The following NRXN3 variants were observed in gnomAD, a reference collection of about 807,000 sequenced individuals.
NRXN3 encodes neurexin III.
A neutral mutation model predicts 137.6 loss-of-function variants in NRXN3; 32 were observed. The ratio of observed to expected loss-of-function variants is 0.23; its 90% CI spans 0.18 to 0.31. The LOEUF is 0.31. Among genes scored for constraint, NRXN3 ranks in the 10% least tolerant of loss-of-function variants. The pLI, the probability that NRXN3 is intolerant of heterozygous loss-of-function variation, is 1.00. For missense variants in NRXN3, 1,574 were observed against 2,062.5 expected (o/e 0.76, Z 4.59); for synonymous variants, 798 against 784.5 (o/e 1.02, Z -0.29).
At chr14:79,570,047 T>C (rs2097585050) in intron 16 of NRXN3, among the ~76,000 whole-genome samples, 1 of 152,208 alleles carries the variant, frequency 6.6e-6, no homozygotes, top group Admixed American at 6.5e-5. Flanking sequence ...TTGCTGGTTA[T>C]AGTCCTCCAC....
intron 15 of NRXN3, among the ~76,000 whole-genome samples, chr14:79,089,205 G>A (rs962033252): frequency 1.3e-5 from 2 of 152,130 alleles, no homozygotes; most frequent in South Asian, 2.1e-4. Context: ...TTGCTTCAAA[G>A]TCTTAGTAAA....
At chr14:78,874,170 C>A (rs117320139) in intron 10 of NRXN3, among the ~76,000 whole-genome samples, 2,710 of 152,066 alleles carry the variant, frequency 0.018, 39 homozygotes, top group Middle Eastern at 0.048. Context: ...TAGGATATCA[C>A]CATGTTGGCC....
At chr14:78,236,688 A>T (rs2066347886) in intron 1 of NRXN3, among the ~76,000 whole-genome samples, 1 of 151,786 alleles carries the variant, frequency 6.6e-6, no homozygotes, top group Admixed American at 6.6e-5. Context: ...AAATTTTTAA[A>T]TTTCATGAAG....
At chr14:79,317,186 C>T (rs1032828771) in intron 15 of NRXN3, among the ~76,000 whole-genome samples, 6 of 152,022 alleles carry the variant, frequency 3.9e-5, no homozygotes, top group South Asian at 4.2e-4. Flanking sequence ...GAGCTGAGAT[C>T]GTGCCACTGC....
chr14:79,724,167 C>T (rs902607929), intron 19 of NRXN3, among the ~76,000 whole-genome samples: 2 of 152,164 alleles, frequency 1.3e-5, no homozygotes, highest in Non-Finnish European at 2.9e-5. Flanking sequence ...TCAGCTTTTA[C>T]ACAGGGTACG....
chr14:79,510,252 C>T (rs539693160), intron 16 of NRXN3, among the ~76,000 whole-genome samples: 47 of 152,234 alleles, frequency 3.1e-4, no homozygotes, highest in African/African-American at 1.1e-3. Flanking sequence ...GAATTTGATG[C>T]CATGGCTGAA....
At chr14:78,175,717 G>T (rs1325738905) in intron 1 of NRXN3, among the ~76,000 whole-genome samples, 3 of 152,096 alleles carry the variant, frequency 2.0e-5, no homozygotes, top group Middle Eastern at 6.3e-3. Flanking sequence ...TCGGGGCAGG[G>T]ACTATGGATG....
At chr14:78,824,103 CT>C (rs11387026) in intron 10 of NRXN3, among the ~76,000 whole-genome samples, 6,191 of 98,904 alleles carry the variant, frequency 0.063, 354 homozygotes, top group African/African-American at 0.19. Flanking sequence ...TCACCTGCTT[CT>C]TTTTTTTTTT....
chr14:79,292,995 G>C (rs1340592384), intron 15 of NRXN3, among the ~76,000 whole-genome samples: 1 of 152,152 alleles, frequency 6.6e-6, no homozygotes, highest in Non-Finnish European at 1.5e-5. Context: ...GCTTTTATGT[G>C]AAATAGGAAG....
chr14:79,433,269 G>T (rs2095792937), intron 15 of NRXN3, among the ~76,000 whole-genome samples: 1 of 152,138 alleles, frequency 6.6e-6, no homozygotes, highest in African/African-American at 2.4e-5. Context: ...GAAGATGATT[G>T]TTACAGACTT....
chr14:79,287,167 A>G (rs1357711067), intron 15 of NRXN3, among the ~76,000 whole-genome samples: 1 of 152,060 alleles, frequency 6.6e-6, no homozygotes, highest in Non-Finnish European at 1.5e-5. Flanking sequence ...AGATTATTTC[A>G]TTTACATAGT....
chr14:78,882,303 G>A (rs1388175232), intron 10 of NRXN3, among the ~76,000 whole-genome samples: 2 of 151,722 alleles, frequency 1.3e-5, no homozygotes, highest in African/African-American at 4.9e-5. Flanking sequence ...TGAGAAGAGG[G>A]CCACTGTCCT....
Position 78,709,500 on chromosome 14 carries a change from A to G in NRXN3, c.1505A>G (p.Asn502Ser), listed in dbSNP as rs746107011. Residue 502 changes from asparagine to serine, a missense_variant, in exon 7 of 21, where the codon AAT becomes AGT. Coordinates refer to ENST00000335750, the MANE Select transcript of NRXN3 (RefSeq NM_001330195.2). ...QERKDARSQK[N>S]TKVDFFAVEL... ...AGGAAGGATGCTCGGAGCCAGAAGA[A>G]TACAAAAGTAGACTTCTTTGCCGTG... 1 of 1,614,132 alleles carries G rather than the reference A, an allele frequency of 6.2e-7. No homozygotes were observed. Among genetic ancestry groups the G allele is most frequent in the South Asian group, 1.1e-5 (1 of 91,080 alleles).
intron 15 of NRXN3, among the ~76,000 whole-genome samples, chr14:79,132,298 T>G (rs1290079823): frequency 6.6e-6 from 1 of 152,222 alleles, no homozygotes; most frequent in Non-Finnish European, 1.5e-5. Context: ...ACTTTTTCAG[T>G]TGTAAGTTTT....
intron 15 of NRXN3, among the ~76,000 whole-genome samples, chr14:79,285,275 C>T (rs1044627812): frequency 2.0e-5 from 3 of 152,128 alleles, no homozygotes; most frequent in African/African-American, 7.2e-5. Flanking sequence ...GATTTTGAAT[C>T]TAAAAGAGAA....
intron 15 of NRXN3, chr14:79,074,867 G>A (rs1379162856): frequency 6.6e-6 from 1 of 152,170 alleles, no homozygotes; most frequent in Non-Finnish European, 1.5e-5. Context: ...AACAAAATAA[G>A]CAGGTGGCAG....
chr14:79,762,702 T>C (rs545179460), intron 19 of NRXN3, among the ~76,000 whole-genome samples: 3 of 151,720 alleles, frequency 2.0e-5, no homozygotes, highest in African/African-American at 4.9e-5. Context: ...TGGCAACCCA[T>C]GGTTATTGGT....
chr14:78,263,698 G>T (rs575721590), intron 2 of NRXN3, among the ~76,000 whole-genome samples: 1 of 152,060 alleles, frequency 6.6e-6, no homozygotes, highest in African/African-American at 2.4e-5. Context: ...AAATTTTACC[G>T]ACACGGCTTC....
At chr14:79,720,131 G>A (rs906124721) in intron 19 of NRXN3, among the ~76,000 whole-genome samples, 1 of 152,058 alleles carries the variant, frequency 6.6e-6, no homozygotes, top group Non-Finnish European at 1.5e-5. Flanking sequence ...CACATGGCTA[G>A]GGAGGCCTCA....
Sources: allele counts gnomAD v4.1 joint callset (sites outside exome capture counted in the v4.1 genomes callset), GRCh38; gene constraint gnomAD v4.1.1; transcripts MANE v1.5; gene names NCBI Gene and HGNC (gene_info 2026-07-23, HGNC 2026-07-21).